Variants in SLC17A5 observed in about 807,000 individuals in gnomAD.
SLC17A5 encodes the protein sialin.
A neutral mutation model predicts 59.4 loss-of-function variants in SLC17A5; 47 were observed. The observed-to-expected ratio is 0.79, with a 90% CI of 0.63 to 1.01. The LOEUF is 1.01. Among genes scored for constraint, SLC17A5 ranks in the 50% least tolerant of loss-of-function variants. The probability of loss-of-function intolerance (pLI) is 0.00; values close to 1 mark genes in which losing one functional copy is unlikely to be tolerated. For synonymous variants in SLC17A5, 202 were observed against 210.7 expected (o/e 0.96, Z 0.36); for missense variants, 522 against 595.5 (o/e 0.88, Z 1.28).
Position 73,638,462 on chromosome 6 carries a change from G to C in SLC17A5, c.563C>G (p.Ser188Cys). Residue 188 changes from serine to cysteine, a missense_variant, in exon 4 of 11, where the codon TCT becomes TGT. Coordinates refer to ENST00000355773, the MANE Select transcript of SLC17A5 (RefSeq NM_012434.5). ...GCTTCTTTCAAGAGGGGGAGCCCAAGAAGACCACATGGCATGCATGGCTGG... is the reference window on the plus strand; with the variant it reads ...GCTTCTTTCAAGAGGGGGAGCCCAACAAGACCACATGGCATGCATGGCTGG... ...TFPAMHAMWS[S>C]WAPPLERSKL... The C allele has an allele frequency of 6.2e-7, 1 of 1,614,064 alleles. No individual in the cohort carries two copies. The highest frequency in any genetic ancestry group is 1.1e-5 in the South Asian group (1 of 91,078).
chr6:73,618,885 T>G (rs1768003021), intron 7 of SLC17A5, among the ~76,000 whole-genome samples: 1 of 152,078 alleles, frequency 6.6e-6, no homozygotes, highest in Admixed American at 6.6e-5. Flanking sequence ...CTGCCATGCC[T>G]GGCTAACTTC....
chr6:73,619,526 AT>A (rs1486037532), intron 7 of SLC17A5, among the ~76,000 whole-genome samples: 1 of 142,478 alleles, frequency 7.0e-6, no homozygotes, highest in Non-Finnish European at 1.6e-5. Context: ...CATCTCTACT[AT>A]TTAAAAAAAA....
rs567403176 is a variant in SLC17A5, at chr6:73,645,553, G to A, written c.95-950C>T. ...TGTAATCCCAGCACTTTGGGAAGCC[G>A]AGGCGGGCGGATCACCTGAGGTCAG... On this transcript the variant is annotated intron_variant, in intron 1 of 10. Coordinates refer to ENST00000355773, the MANE Select transcript of SLC17A5 (RefSeq NM_012434.5). 2.1e-4 allele frequency: 184 copies of A among 889,304 alleles called. No homozygotes were observed. In the African/African-American group the frequency reaches 3.1e-3, roughly 15 times the overall value. 55.1% of individuals were successfully genotyped at this position (889,304 alleles called of 1,614,324 possible).
intron 5 of SLC17A5, among the ~76,000 whole-genome samples, chr6:73,636,222 A>G (rs2150113159): frequency 6.6e-6 from 1 of 152,228 alleles, no homozygotes; most frequent in Admixed American, 6.5e-5. Flanking sequence ...TAATTTATTA[A>G]AAATGTGTAT....
chr6:73,597,058 G>T (rs1287459682), intron 10 of SLC17A5, among the ~76,000 whole-genome samples: 3 of 152,148 alleles, frequency 2.0e-5, no homozygotes, highest in Non-Finnish European at 4.4e-5. Flanking sequence ...CTACTCGGGA[G>T]GCTGAGGCAG....
intron 1 of SLC17A5, chr6:73,653,266 C>G (rs1769952133): frequency 1.0e-6 from 1 of 985,336 alleles, no homozygotes; most frequent in Admixed American, 6.1e-5. Context: ...AAGAAGCTAC[C>G]AGGTCACATG....
At position 73,593,652 on chromosome 6, in the gene SLC17A5, T is replaced by C. The variant is rs1046519266; in HGVS notation, c.*1425A>G. The C allele has an allele frequency of 6.6e-6, 1 of 152,206 alleles. No homozygotes were observed. The highest frequency in any genetic ancestry group is 1.5e-5 in the Non-Finnish European group (1 of 68,048). The allele number at this position is 152,206 out of a possible 1,614,324, so 9.4% of individuals were successfully genotyped here. A position where few individuals can be genotyped will look rare whatever the true frequency, so the allele number is the denominator to read the frequency against. On this transcript the variant is annotated 3_prime_UTR_variant, in exon 11 of 11. Transcript: ENST00000355773. ...CCAGAAGTAAAGATGATTACCCTAG[T>C]CTCAGGTGATGTGGCCTTTAAAAGT...
chr6:73,652,185 G>A (rs1030054882), intron 1 of SLC17A5, among the ~76,000 whole-genome samples: 3 of 152,160 alleles, frequency 2.0e-5, no homozygotes, highest in Non-Finnish European at 4.4e-5. Context: ...TGTAACAAAC[G>A]TAGCCACCTA....
intron 8 of SLC17A5, among the ~76,000 whole-genome samples, chr6:73,612,395 T>C (rs1391213388): frequency 6.6e-6 from 1 of 152,020 alleles, no homozygotes; most frequent in Non-Finnish European, 1.5e-5. Context: ...CTCAAGTATC[T>C]GCCTGCCTCC....
At chr6:73,601,846 C>T (rs1231750610) in intron 9 of SLC17A5, among the ~76,000 whole-genome samples, 2 of 150,684 alleles carry the variant, frequency 1.3e-5, no homozygotes, top group Non-Finnish European at 3.0e-5. Context: ...GGCCAGCCGC[C>T]CCGTCCGGGA....
Position 73,614,747 on chromosome 6 carries a change from C to T in SLC17A5, c.1111+568G>A, listed in dbSNP as rs75038927. On this transcript the variant is annotated intron_variant, in intron 8 of 10. Coordinates refer to ENST00000355773, the MANE Select transcript of SLC17A5 (RefSeq NM_012434.5). ...TGGATGAACTTTTGCGGTCGGGGTT[C>T]TTGGAGGGTGGTGTTCCAGGAGAGG... Among the ~76,000 whole-genome samples the T allele has an allele frequency of 4.8e-4, 73 of 152,300 alleles. No individual in the cohort carries two copies. In the East Asian group the frequency reaches 0.012, roughly 25 times the overall value.
At chr6:73,595,754 C>T (rs453979) in intron 10 of SLC17A5, among the ~76,000 whole-genome samples, 57,122 of 151,118 alleles carry the variant, frequency 0.38, 11,383 homozygotes, top group African/African-American at 0.48. Context: ...ACTCTGTCAC[C>T]CGGGCTGGAG....
At chr6:73,603,098 G>A (rs55676132) in intron 9 of SLC17A5, among the ~76,000 whole-genome samples, 10 of 151,958 alleles carry the variant, frequency 6.6e-5, no homozygotes, top group Admixed American at 2.6e-4. Context: ...TATTATAGAC[G>A]TGAGATCATA....
At chr6:73,620,099 T>G (rs1211766242) in intron 7 of SLC17A5, among the ~76,000 whole-genome samples, 8 of 151,954 alleles carry the variant, frequency 5.3e-5, no homozygotes, top group Non-Finnish European at 1.5e-5. Flanking sequence ...AATTTTTATA[T>G]TTTTAGTAGA....
chr6:73,636,507 G>A (rs1263687046), intron 5 of SLC17A5, 114 bp downstream of exon 5: 2 of 676,262 alleles, frequency 3.0e-6, no homozygotes, highest in Non-Finnish European at 5.2e-6. Flanking sequence ...ATCAGGAAGT[G>A]TTTCAGAACT....
At chr6:73,647,696 C>T (rs1468433735) in intron 1 of SLC17A5, among the ~76,000 whole-genome samples, 2 of 152,104 alleles carry the variant, frequency 1.3e-5, no homozygotes, top group Admixed American at 6.5e-5. Flanking sequence ...TCAAATTACT[C>T]GTGGTATTAC....
intron 8 of SLC17A5, among the ~76,000 whole-genome samples, chr6:73,614,680 A>C (rs549852): frequency 0.48 from 72,841 of 151,644 alleles, 18,128 homozygotes; most frequent in African/African-American, 0.6. Context: ...TCAATCATAC[A>C]CATTTAACGA....
intron 1 of SLC17A5, among the ~76,000 whole-genome samples, chr6:73,645,095 A>G (rs895750001): frequency 6.6e-6 from 1 of 152,204 alleles, no homozygotes; most frequent in African/African-American, 2.4e-5. Flanking sequence ...TGAGAAAAGC[A>G]GGTAAGGAGG....
intron 2 of SLC17A5, 140 bp from the exon 3 acceptor site, chr6:73,642,064 G>A (rs543290532): frequency 1.4e-4 from 105 of 731,770 alleles, no homozygotes; most frequent in South Asian, 1.4e-3. Context: ...TTTCTAGTAG[G>A]TGGGTGAGTC....
Sources: gnomAD v4.1 joint callset for allele counts (sites outside exome capture counted in the v4.1 genomes callset) on GRCh38, gnomAD v4.1.1 for gene constraint, MANE v1.5 for transcripts, NCBI Gene and HGNC (gene_info 2026-07-23, HGNC 2026-07-21) for gene names.